Variants in SDCCAG8 observed in about 807,000 individuals in gnomAD.
The protein encoded by SDCCAG8 is SHH signaling and ciliogenesis regulator SDCCAG8.
SDCCAG8 carries 74 observed loss-of-function variants against 101.8 expected under a neutral mutation model. The observed-to-expected ratio is 0.73, with a 90% CI of 0.60 to 0.88. The LOEUF (loss-of-function observed/expected upper bound fraction) is 0.88, where lower values mean the gene tolerates loss of function less well. Among genes scored for constraint, SDCCAG8 ranks in the 40% least tolerant of loss-of-function variants. The probability of loss-of-function intolerance (pLI) is 0.00; values close to 1 mark genes in which losing one functional copy is unlikely to be tolerated. For missense variants in SDCCAG8, 787 were observed against 822.6 expected (o/e 0.96, Z 0.53); for synonymous variants, 281 against 292.9 (o/e 0.96, Z 0.41).
chr1:243,279,062 A>G (rs983770475), intron 4 of SDCCAG8, among the ~76,000 whole-genome samples: 1 of 152,152 alleles, frequency 6.6e-6, no homozygotes, highest in Non-Finnish European at 1.5e-5. Flanking sequence ...AGGTGTTGAG[A>G]TTACAGGCTT....
chr1:243,404,491 A>G (rs1386004873), intron 13 of SDCCAG8, among the ~76,000 whole-genome samples: 1 of 152,250 alleles, frequency 6.6e-6, no homozygotes, highest in Non-Finnish European at 1.5e-5. Context: ...AAAAGGCAAA[A>G]TGTTTTGATG....
chr1:243,318,727 C>T (rs2073486070), intron 9 of SDCCAG8, among the ~76,000 whole-genome samples: 3 of 152,098 alleles, frequency 2.0e-5, no homozygotes. Flanking sequence ...CCCTCAATGC[C>T]ATGTTTCAAA....
At chr1:243,483,012 G>T (rs946673270) in intron 16 of SDCCAG8, among the ~76,000 whole-genome samples, 2 of 152,124 alleles carry the variant, frequency 1.3e-5, no homozygotes, top group African/African-American at 4.8e-5. Flanking sequence ...AAACCCCCTC[G>T]CCCCGTTCAT....
At chr1:243,456,499 A>T (rs2148144024) in intron 16 of SDCCAG8, among the ~76,000 whole-genome samples, 1 of 152,128 alleles carries the variant, frequency 6.6e-6, no homozygotes, top group Middle Eastern at 3.4e-3. Context: ...GTAATAGTAA[A>T]CCTGTATGAG....
At chr1:243,375,416 A>T (rs972146726) in intron 12 of SDCCAG8, among the ~76,000 whole-genome samples, 2 of 152,146 alleles carry the variant, frequency 1.3e-5, no homozygotes, top group Admixed American at 1.3e-4. Context: ...GAAAGTTAAC[A>T]TATGCCCATG....
intron 7 of SDCCAG8, chr1:243,307,496 G>A: frequency 1.0e-6 from 1 of 983,862 alleles, no homozygotes; most frequent in Non-Finnish European, 1.2e-6. Flanking sequence ...AACTAGTCAA[G>A]GATAAAAATC....
chr1:243,486,094 C>T (rs550369757), intron 16 of SDCCAG8, among the ~76,000 whole-genome samples: 1 of 144,714 alleles, frequency 6.9e-6, no homozygotes, highest in East Asian at 2.1e-4. Context: ...CTACTCTACT[C>T]GGGAGGCTGA....
chr1:243,308,933 A>C (rs2072439777), intron 8 of SDCCAG8, among the ~76,000 whole-genome samples: 1 of 152,126 alleles, frequency 6.6e-6, no homozygotes, highest in Non-Finnish European at 1.5e-5. Flanking sequence ...TGCTGTGCTC[A>C]CTTAAATAAC....
chr1:243,335,689 T>C (rs2149355497), intron 10 of SDCCAG8, among the ~76,000 whole-genome samples: 1 of 152,288 alleles, frequency 6.6e-6, no homozygotes, highest in East Asian at 1.9e-4. Context: ...TTTTTACTTG[T>C]GTATATCGCA....
chr1:243,400,203 T>C (rs961417181), intron 13 of SDCCAG8, among the ~76,000 whole-genome samples: 2 of 152,246 alleles, frequency 1.3e-5, no homozygotes, highest in African/African-American at 4.8e-5. Context: ...TAGTGCACAC[T>C]GTGACTCTCT....
In SDCCAG8 at chr1:243,342,679, G is replaced by C. The variant is rs116246547; in HGVS notation, c.1356+1506G>C. 5.5e-3 allele frequency among the ~76,000 whole-genome samples: 843 copies of C among 152,196 alleles called. 6 individuals carry two copies. The highest frequency in any genetic ancestry group is 0.017 in the African/African-American group (692 of 41,520). ...GTGAACAATTGAGAAAGAAAATAAA[G>C]TATGGCTCCTCATTTTTTTCCTGTC... is the stretch of plus-strand genomic sequence containing the variant. On this transcript the variant is annotated intron_variant, in intron 11 of 17. Transcript: ENST00000366541.
intron 13 of SDCCAG8, among the ~76,000 whole-genome samples, chr1:243,415,117 G>A (rs2080477954): frequency 6.6e-6 from 1 of 152,124 alleles, no homozygotes; most frequent in South Asian, 2.1e-4. Flanking sequence ...ATTATGAAGT[G>A]CTGGGGGAAG....
chr1:243,432,501 A>G (rs2081854391), intron 16 of SDCCAG8, among the ~76,000 whole-genome samples: 2 of 152,224 alleles, frequency 1.3e-5, no homozygotes, highest in African/African-American at 4.8e-5. Flanking sequence ...CCTATATAAC[A>G]TACCTGCACG....
At chr1:243,371,057 T>A (rs2147881540) in intron 12 of SDCCAG8, among the ~76,000 whole-genome samples, 1 of 152,260 alleles carries the variant, frequency 6.6e-6, no homozygotes, top group Middle Eastern at 3.4e-3. Context: ...TAAAGTCTCC[T>A]GCAGAAATGC....
intron 16 of SDCCAG8, among the ~76,000 whole-genome samples, chr1:243,446,112 AG>A (rs1010617847): frequency 6.6e-6 from 1 of 152,190 alleles, no homozygotes; most frequent in Non-Finnish European, 1.5e-5. Flanking sequence ...GGAAAAGGAA[AG>A]GGTTAGTTGT....
chr1:243,259,019 C>T (rs923594873), intron 1 of SDCCAG8, among the ~76,000 whole-genome samples: 6 of 152,178 alleles, frequency 3.9e-5, no homozygotes, highest in African/African-American at 9.7e-5. Flanking sequence ...TACTAATATC[C>T]CTTCATTGAT....
At chr1:243,378,908 A>G in intron 13 of SDCCAG8, 45 bp downstream of exon 13, 1 of 1,613,252 alleles carries the variant, frequency 6.2e-7, no homozygotes, top group Non-Finnish European at 8.5e-7. Context: ...ATTTCATTCC[A>G]CTGATTTTTG....
At chr1:243,351,921 A>G (rs1413876944) in intron 12 of SDCCAG8, among the ~76,000 whole-genome samples, 1 of 152,252 alleles carries the variant, frequency 6.6e-6, no homozygotes, top group African/African-American at 2.4e-5. Flanking sequence ...GTTCCAAATC[A>G]ATCCAGTGAA....
intron 16 of SDCCAG8, among the ~76,000 whole-genome samples, chr1:243,445,652 A>C (rs1389023792): frequency 6.6e-6 from 1 of 152,130 alleles, no homozygotes; most frequent in African/African-American, 2.4e-5. Context: ...TGGATAAACA[A>C]CACCCAAAAT....
Sources: allele counts gnomAD v4.1 joint callset (sites outside exome capture counted in the v4.1 genomes callset), GRCh38; gene constraint gnomAD v4.1.1; transcripts MANE v1.5; gene names NCBI Gene and HGNC (gene_info 2026-07-23, HGNC 2026-07-21).